Variants in PCBP4 observed in about 807,000 individuals in gnomAD.
PCBP4 encodes poly(rC)-binding protein 4.
A neutral mutation model predicts 46.2 loss-of-function variants in PCBP4; 24 were observed. That is an observed-to-expected ratio of 0.52 (90% CI 0.38 to 0.73). The LOEUF (loss-of-function observed/expected upper bound fraction) is 0.73, where lower values mean the gene tolerates loss of function less well. PCBP4 is among the 30% of genes least tolerant of loss of function. The probability of loss-of-function intolerance (pLI) is 0.00; values close to 1 mark genes in which losing one functional copy is unlikely to be tolerated. For synonymous variants in PCBP4, 203 were observed against 224.4 expected (o/e 0.90, Z 0.85); for missense variants, 407 against 537.0 (o/e 0.76, Z 2.39).
intron 1 of PCBP4, among the ~76,000 whole-genome samples, chr3:51,965,787 A>C (rs1577697419): frequency 6.6e-6 from 1 of 151,396 alleles, no homozygotes; most frequent in South Asian, 2.1e-4. Context: ...CCCCAGCCCT[A>C]CTCCTGCCGT....
intron 1 of PCBP4, among the ~76,000 whole-genome samples, chr3:51,965,402 C>CT (rs1329366305): frequency 1.3e-5 from 2 of 152,250 alleles, no homozygotes; most frequent in Non-Finnish European, 2.9e-5. Context: ...TCCCCACTCT[C>CT]TGTCAAAATC....
rs375581680 is a variant in PCBP4, at chr3:51,958,784, G to C, written c.923+6C>G. 3.1e-6 allele frequency: 5 copies of C among 1,608,632 alleles called. No homozygotes were observed. In the South Asian group the frequency reaches 5.5e-5, roughly 18 times the overall value. ...GCTCCCCCACTGCCGCCCAGCCCGC[G>C]CTCACCAGGCAGTGATGAGGTACTG... On this transcript the variant is annotated splice_donor_region_variant and intron_variant, in intron 13 of 13. Coordinates refer to ENST00000461554, the MANE Select transcript of PCBP4 (RefSeq NM_001174100.2). This position sits in a 1 kb window ranked among gnomAD's most constrained non-coding sequence, Gnocchi z 5.4.
intron 1 of PCBP4, among the ~76,000 whole-genome samples, chr3:51,964,039 T>A (rs1700301311): frequency 6.6e-6 from 1 of 152,068 alleles, no homozygotes; most frequent in African/African-American, 2.4e-5. Flanking sequence ...CCTCCGCGGG[T>A]GCCCAGCCCC....
At position 51,958,059 on chromosome 3, in the gene PCBP4, C is replaced by T. The variant is rs1699905455; in HGVS notation, c.*2G>A. The stretch of plus-strand genomic sequence containing the variant: ...CTGCCCCTGCCTGTACCTCAGCTGG[C>T]CTCAGTAGGGGGAGAATTTCTGCCG... On this transcript the variant is annotated 3_prime_UTR_variant, in exon 14 of 14. Transcript: ENST00000461554. The surrounding 1 kb of genome is among the most constrained non-coding windows in gnomAD (Gnocchi z 5.4). The T allele has an allele frequency of 6.5e-7, 1 of 1,541,660 alleles. No homozygotes were observed. Among genetic ancestry groups the T allele is most frequent in the Non-Finnish European group, 8.7e-7 (1 of 1,145,542 alleles).
At chr3:51,964,779 C>A (rs1700339554) in intron 1 of PCBP4, among the ~76,000 whole-genome samples, 1 of 152,242 alleles carries the variant, frequency 6.6e-6, no homozygotes. Context: ...GCATCTTGGA[C>A]ACATGTGCCC....
At chr3:51,964,109 G>C (rs3755797) in intron 1 of PCBP4, among the ~76,000 whole-genome samples, 1 of 152,176 alleles carries the variant, frequency 6.6e-6, no homozygotes, top group Non-Finnish European at 1.5e-5. Flanking sequence ...CTCTGACCTC[G>C]GGCATTCCCT....
chr3:51,961,234 C>T lies in PCBP4; in HGVS notation c.7G>A (p.Gly3Ser), dbSNP rs1261382835. The change falls in exon 3 of 14, where the codon GGC (glycine) becomes AGC (serine). Residue 3 changes from glycine (G) to serine (S), a missense_variant. Gly to Ser is a moderately conservative substitution (Grantham distance 56). Transcript: ENST00000461554. ...TCCTCCTCCAGTCCCCCGTCCGAGC[C>T]GCTCATTCTGTCAGGCGAGGCTGGG... Reference protein sequence around the residue: MSGSDGGLEEEPE... With the variant: MSSSDGGLEEEPE... 11 of 1,612,022 alleles carry T rather than the reference C, an allele frequency of 6.8e-6. No homozygotes were observed. The Admixed American group carries it at 8.3e-5, about 12-fold the overall frequency.
chr3:51,962,488 A>C (rs961304335), intron 1 of PCBP4, among the ~76,000 whole-genome samples: 5 of 152,138 alleles, frequency 3.3e-5, no homozygotes, highest in Non-Finnish European at 5.9e-5. Context: ...TGGGGAAAAC[A>C]GGGAGTGGGA....
At position 51,961,091 on chromosome 3, in the gene PCBP4, C is replaced by G. The variant is rs545302639; in HGVS notation, c.82-58G>C. The G allele has an allele frequency of 2.0e-5, 33 of 1,614,092 alleles. No individual in the cohort carries two copies. The African/African-American group carries it at 3.6e-4, about 18-fold the overall frequency. ...CCAGTGCCCAGGCCCAGCCCCTCCC[C>G]ACTGGGATACCCAGTGAAACCCAGC... is the stretch of plus-strand genomic sequence containing the variant. On this transcript the variant is annotated intron_variant, in intron 3 of 13. Transcript: ENST00000461554.
intron 1 of PCBP4, among the ~76,000 whole-genome samples, chr3:51,966,216 C>G (rs1027426140): frequency 9.2e-5 from 14 of 152,164 alleles, no homozygotes; most frequent in Non-Finnish European, 2.9e-5. Context: ...GGCAAGCCAG[C>G]CTCCTCGTGG....
rs534989109 is a variant in PCBP4 at position 51,958,594 on chromosome 3, G to C, written c.923+196C>G. Among the ~76,000 whole-genome samples the C allele has an allele frequency of 6.6e-6, 1 of 151,890 alleles. No homozygotes were observed. Among genetic ancestry groups the C allele is most frequent in the Non-Finnish European group, 1.5e-5 (1 of 67,958 alleles). On this transcript the variant is annotated intron_variant, in intron 13 of 13. Coordinates refer to ENST00000461554, the MANE Select transcript of PCBP4 (RefSeq NM_001174100.2). The surrounding 1 kb of genome is among the most constrained non-coding windows in gnomAD (Gnocchi z 5.4). ...AAAGACACAGCAATGGAGAATGAGA[G>C]GTGGATATAGAGGGGGGAGATGGGG...
In PCBP4 at chr3:51,960,179, C is replaced by G. The variant is rs1232596239; in HGVS notation, c.387+10G>C. 1 of 1,613,972 alleles carries G rather than the reference C, an allele frequency of 6.2e-7. No individual in the cohort carries two copies. The highest frequency in any genetic ancestry group is 8.5e-7 in the Non-Finnish European group (1 of 1,180,042). ...CGGATTCCCTGTGGGTGGTATATCT[C>G]GCCCCTCACCTCTCGGATCTCCTTG... On this transcript the variant is annotated intron_variant, in intron 7 of 13. Coordinates refer to ENST00000461554, the MANE Select transcript of PCBP4 (RefSeq NM_001174100.2). The surrounding 1 kb of genome is among the most constrained non-coding windows in gnomAD (Gnocchi z 5.0).
At position 51,958,055 on chromosome 3, in the gene PCBP4, C is replaced by T; in HGVS notation, c.*6G>A. 6.5e-7 allele frequency: 1 copy of T among 1,537,052 alleles called. No individual in the cohort carries two copies. Among genetic ancestry groups the T allele is most frequent in the South Asian group, 1.3e-5 (1 of 78,706 alleles). Reference sequence around the variant, plus strand: ...CTGCCTGCCCCTGCCTGTACCTCAGCTGGCCTCAGTAGGGGGAGAATTTCT... The same window carrying T: ...CTGCCTGCCCCTGCCTGTACCTCAGTTGGCCTCAGTAGGGGGAGAATTTCT... On this transcript the variant is annotated 3_prime_UTR_variant, in exon 14 of 14. Coordinates refer to ENST00000461554, the MANE Select transcript of PCBP4 (RefSeq NM_001174100.2). This position sits in a 1 kb window ranked among gnomAD's most constrained non-coding sequence, Gnocchi z 5.4.
chr3:51,967,268 C>T (rs1700482412), intron 1 of PCBP4, 58 bp downstream of exon 1: 1 of 152,096 alleles, frequency 6.6e-6, no homozygotes, highest in Admixed American at 6.5e-5. Context: ...GGCTCCCTGC[C>T]CCCGGGCGAA....
chr3:51,965,182 C>T (rs1700363098), intron 1 of PCBP4, among the ~76,000 whole-genome samples: 1 of 152,238 alleles, frequency 6.6e-6, no homozygotes, highest in Non-Finnish European at 1.5e-5. Context: ...GCTTACTCTG[C>T]TGCTCAACAG....
In PCBP4 at chr3:51,959,375, G is replaced by C. The variant is rs774968489; in HGVS notation, c.628C>G (p.Pro210Ala). 1.1e-5 allele frequency: 17 copies of C among 1,612,824 alleles called. No individual in the cohort carries two copies. In the East Asian group the frequency reaches 1.6e-4, roughly 15 times the overall value. The change falls in exon 10 of 14, where the codon CCA (proline) becomes GCA (alanine). Residue 210 changes from proline to alanine, a missense_variant. Transcript: ENST00000461554. This position sits in a 1 kb window ranked among gnomAD's most constrained non-coding sequence, Gnocchi z 5.6. ...GGCTATGGGTCACTCACCTCAGCTGGGGTCACAGCCCCATACTGACCCTGG... is the reference window on the plus strand; with the variant it reads ...GGCTATGGGTCACTCACCTCAGCTGCGGTCACAGCCCCATACTGACCCTGG... Reference protein sequence around the residue: ...SVQGQYGAVTPAEVTKLQQLS... With the variant: ...SVQGQYGAVTAAEVTKLQQLS...
chr3:51,957,984 T>C lies in PCBP4; in HGVS notation c.*77A>G. 1 of 1,351,124 alleles carries C rather than the reference T, an allele frequency of 7.4e-7. No homozygotes were observed. Among genetic ancestry groups the C allele is most frequent in the Non-Finnish European group, 1.0e-6 (1 of 1,003,126 alleles). 83.7% of individuals were successfully genotyped at this position (1,351,124 alleles called of 1,614,324 possible). The stretch of plus-strand genomic sequence containing the variant: ...CGGCGTTTGGGACCCCAGGGTGGAG[T>C]CTCCTTGGGCGGGTAGGGTGCAGAG... On this transcript the variant is annotated 3_prime_UTR_variant, in exon 14 of 14. Transcript: ENST00000461554.
rs1700118013 is a variant in PCBP4, at chr3:51,960,740, T to C, written c.139-98A>G. ...CCACTCACCAGGCCTGAGGCAAGGC[T>C]CAAAACTGCCACCCTCTGGGGGACT... On this transcript the variant is annotated intron_variant, in intron 5 of 13. Coordinates refer to ENST00000461554, the MANE Select transcript of PCBP4 (RefSeq NM_001174100.2). The surrounding 1 kb of genome is among the most constrained non-coding windows in gnomAD (Gnocchi z 5.0). 6.8e-7 allele frequency: 1 copy of C among 1,467,164 alleles called. No homozygotes were observed. The highest frequency in any genetic ancestry group is 9.6e-7 in the Non-Finnish European group (1 of 1,046,570). 90.9% of individuals were successfully genotyped at this position (1,467,164 alleles called of 1,614,324 possible).
chr3:51,964,782 A>C (rs1365548060), intron 1 of PCBP4, among the ~76,000 whole-genome samples: 2 of 152,176 alleles, frequency 1.3e-5, no homozygotes, highest in African/African-American at 4.8e-5. Flanking sequence ...TCTTGGACAC[A>C]TGTGCCCAGC....
Sources: allele counts gnomAD v4.1 joint callset (sites outside exome capture counted in the v4.1 genomes callset), GRCh38; gene constraint gnomAD v4.1.1; non-coding constraint Gnocchi (gnomAD v3.1); transcripts MANE v1.5; gene names NCBI Gene and HGNC (gene_info 2026-07-23, HGNC 2026-07-21).